The following CRISPLD2 variants were observed in gnomAD, a reference collection of about 807,000 sequenced individuals.
CRISPLD2 encodes the protein cysteine rich secretory protein LCCL domain containing 2.
In CRISPLD2, 47 loss-of-function variants were observed where a neutral mutation model predicts 71.1. That is an observed-to-expected ratio of 0.66 (90% CI 0.52 to 0.84). The LOEUF (loss-of-function observed/expected upper bound fraction) is 0.84. Among genes scored for constraint, CRISPLD2 ranks in the 40% least tolerant of loss-of-function variants. The probability of loss-of-function intolerance (pLI) is 0.00; values close to 1 mark genes in which losing one functional copy is unlikely to be tolerated. For synonymous variants in CRISPLD2, 317 were observed against 250.1 expected (o/e 1.27, Z -2.52); for missense variants, 830 against 651.1 (o/e 1.27, Z -2.99).
chr16:84,875,164 C>A (rs1315902952), intron 11 of CRISPLD2, among the ~76,000 whole-genome samples: 1 of 152,008 alleles, frequency 6.6e-6, no homozygotes, highest in Admixed American at 6.6e-5. Context: ...TTGCTTGAGC[C>A]TGGAAACTTG....
chr16:84,823,646 G>C (rs550507505), intron 1 of CRISPLD2, among the ~76,000 whole-genome samples: 1 of 152,104 alleles, frequency 6.6e-6, no homozygotes, highest in Non-Finnish European at 1.5e-5. Flanking sequence ...GTACAATGAC[G>C]AGTACTCTTG....
chr16:84,889,774 G>C (rs907171478), intron 14 of CRISPLD2, among the ~76,000 whole-genome samples: 1 of 151,526 alleles, frequency 6.6e-6, no homozygotes, highest in Non-Finnish European at 1.5e-5. Context: ...GTGTGTGTGT[G>C]TGTGTGTGTG....
chr16:84,831,468 T>C (rs1916487282), intron 1 of CRISPLD2, among the ~76,000 whole-genome samples: 1 of 152,110 alleles, frequency 6.6e-6, no homozygotes, highest in Non-Finnish European at 1.5e-5. Context: ...AGTAGCACGA[T>C]CTACAGTCTG....
intron 3 of CRISPLD2, among the ~76,000 whole-genome samples, chr16:84,847,803 T>G (rs1916957108): frequency 6.6e-6 from 1 of 152,246 alleles, no homozygotes; most frequent in African/African-American, 2.4e-5. Context: ...GCATTGAGAC[T>G]GTAGCCTGGA....
chr16:84,849,953 T>C (rs570266949), intron 4 of CRISPLD2, among the ~76,000 whole-genome samples: 1 of 151,658 alleles, frequency 6.6e-6, no homozygotes, highest in East Asian at 1.9e-4. Flanking sequence ...CGCAAACTCC[T>C]GGGCTCATGC....
rs903378757 is a variant in CRISPLD2 at position 84,850,602 on chromosome 16, C to T, written c.527C>T (p.Ala176Val). The T allele has an allele frequency of 2.5e-6, 4 of 1,614,172 alleles. No individual in the cohort carries two copies. Among genetic ancestry groups the T allele is most frequent in the Non-Finnish European group, 3.4e-6 (4 of 1,180,032 alleles). Residue 176 changes from alanine (A) to valine (V), a missense_variant, in exon 5 of 15, where the codon GCT becomes GTT. Ala to Val is a moderately conservative substitution (Grantham distance 64). Coordinates refer to ENST00000262424, the MANE Select transcript of CRISPLD2 (RefSeq NM_031476.4). ...GCCACCACCAACAAGATCGGTTGTG[C>T]TGTGAACACCTGCCGGAAGATGACT... ...VWATTNKIGC[A>V]VNTCRKMTVW... is the part of the protein sequence containing the mutation.
At chr16:84,871,783 C>T (rs182623212) in intron 8 of CRISPLD2, among the ~76,000 whole-genome samples, 1 of 149,484 alleles carries the variant, frequency 6.7e-6, no homozygotes, top group East Asian at 2.0e-4. Flanking sequence ...AACTCCTGAC[C>T]TCAGGTGATC....
chr16:84,832,154 C>T (rs73250016), intron 1 of CRISPLD2, among the ~76,000 whole-genome samples: 11,101 of 152,340 alleles, frequency 0.073, 525 homozygotes, highest in Middle Eastern at 0.12. Context: ...TCCCTTCAAA[C>T]GATGCATTTT....
chr16:84,852,033 C>G (rs1336805763), intron 5 of CRISPLD2, among the ~76,000 whole-genome samples: 2 of 152,088 alleles, frequency 1.3e-5, no homozygotes, highest in Admixed American at 1.3e-4. Flanking sequence ...GGTGGCAGAT[C>G]AAGGTGTGGC....
At chr16:84,861,423 T>C (rs1028235740) in intron 6 of CRISPLD2, among the ~76,000 whole-genome samples, 2 of 152,082 alleles carry the variant, frequency 1.3e-5, no homozygotes, top group African/African-American at 4.8e-5. Context: ...AGGAAGCCAG[T>C]CCGAGTCCCA....
intron 3 of CRISPLD2, among the ~76,000 whole-genome samples, chr16:84,846,468 G>C (rs1916916992): frequency 6.6e-6 from 1 of 152,100 alleles, no homozygotes; most frequent in Non-Finnish European, 1.5e-5. Context: ...TGGCCAGGGT[G>C]GTCTCGAACT....
intron 2 of CRISPLD2, among the ~76,000 whole-genome samples, chr16:84,844,304 C>T (rs1321612502): frequency 6.6e-6 from 1 of 152,312 alleles, no homozygotes; most frequent in East Asian, 1.9e-4. Context: ...GTGAGCAGGG[C>T]TGGGCAAGCT....
chr16:84,838,689 A>T lies in CRISPLD2; in HGVS notation c.194A>T (p.Lys65Met). The T allele has an allele frequency of 6.2e-7, 1 of 1,614,110 alleles. No homozygotes were observed. The highest frequency in any genetic ancestry group is 1.1e-5 in the South Asian group (1 of 91,080). Residue 65 changes from lysine to methionine, a missense_variant, in exon 2 of 15, where the codon AAG becomes ATG. Transcript: ENST00000262424. ...GAGGAGATCCTCATGCTGCACAACAAGCTTCGGGGCCAGGTGCAGCCTCAG... is the reference window on the plus strand; with the variant it reads ...GAGGAGATCCTCATGCTGCACAACATGCTTCGGGGCCAGGTGCAGCCTCAG... Reference protein sequence around the residue: ...DKEEILMLHNKLRGQVQPQAS... With the variant: ...DKEEILMLHNMLRGQVQPQAS...
At chr16:84,864,473 C>T (rs1438711594) in intron 6 of CRISPLD2, among the ~76,000 whole-genome samples, 1 of 152,234 alleles carries the variant, frequency 6.6e-6, no homozygotes, top group African/African-American at 2.4e-5. Flanking sequence ...CTCCCGCTCT[C>T]AGTGAGGGCA....
At chr16:84,858,601 A>G (rs1254395456) in intron 6 of CRISPLD2, among the ~76,000 whole-genome samples, 2 of 152,210 alleles carry the variant, frequency 1.3e-5, no homozygotes, top group Non-Finnish European at 2.9e-5. Context: ...ACTGGATCCA[A>G]TCAGCAAAAT....
chr16:84,826,743 G>C (rs1210668927), intron 1 of CRISPLD2, among the ~76,000 whole-genome samples: 1 of 152,234 alleles, frequency 6.6e-6, no homozygotes, highest in Non-Finnish European at 1.5e-5. Flanking sequence ...CTGTCTAGGA[G>C]AGTCGTGTGC....
At chr16:84,896,698 G>A (rs568770946) in intron 14 of CRISPLD2, among the ~76,000 whole-genome samples, 2 of 152,230 alleles carry the variant, frequency 1.3e-5, no homozygotes, top group African/African-American at 2.4e-5. Context: ...TCTGACTTCC[G>A]ATGGGTTTAT....
intron 3 of CRISPLD2, 22 bp downstream of exon 3, chr16:84,845,926 C>T (rs772551270): frequency 1.3e-6 from 2 of 1,513,990 alleles, no homozygotes; most frequent in Non-Finnish European, 1.8e-6. Flanking sequence ...AAGTTCCTCT[C>T]CGGCTGCCGC....
chr16:84,862,418 T>A (rs1043885228), intron 6 of CRISPLD2, among the ~76,000 whole-genome samples: 4 of 152,128 alleles, frequency 2.6e-5, no homozygotes, highest in African/African-American at 9.7e-5. Context: ...CAGGCTGGTC[T>A]CAAACTCCCA....
Sources: gnomAD v4.1 joint callset for allele counts (sites outside exome capture counted in the v4.1 genomes callset) on GRCh38, gnomAD v4.1.1 for gene constraint, MANE v1.5 for transcripts, NCBI Gene and HGNC (gene_info 2026-07-23, HGNC 2026-07-21) for gene names.